The following DNAH9 variants were observed in gnomAD, a reference collection of about 807,000 sequenced individuals.
The protein encoded by DNAH9 is dynein axonemal heavy chain 9.
DNAH9 carries 345 observed loss-of-function variants against 471.6 expected under a neutral mutation model. The observed-to-expected ratio is 0.73, with a 90% CI of 0.67 to 0.80. DNAH9 has a LOEUF of 0.80. DNAH9 is among the 30% of genes least tolerant of loss of function. The probability of loss-of-function intolerance (pLI) is 0.00; values close to 1 mark genes in which losing one functional copy is unlikely to be tolerated. For missense variants in DNAH9, 5,407 were observed against 5,609.2 expected, an observed-to-expected ratio of 0.96 and a Z score of 1.15; for synonymous variants, 2,093 against 2,123.6, an observed-to-expected ratio of 0.99 and a Z score of 0.40.
intron 45 of DNAH9, among the ~76,000 whole-genome samples, chr17:11,811,978 A>G (rs2150929387): frequency 1.0e-5 from 1 of 99,300 alleles, no homozygotes; most frequent in East Asian, 3.3e-4. Flanking sequence ...TGACTGAGTG[A>G]GACTCTGTCT....
chr17:11,619,897 C>T, intron 6 of DNAH9, 116 bp downstream of exon 6: 1 of 653,500 alleles, frequency 1.5e-6, no homozygotes, highest in Non-Finnish European at 2.7e-6. Flanking sequence ...CCTCCATCAG[C>T]TGGAATAATC....
intron 61 of DNAH9, among the ~76,000 whole-genome samples, chr17:11,916,249 C>A (rs1973953467): frequency 1.3e-5 from 2 of 152,184 alleles, no homozygotes; most frequent in Non-Finnish European, 2.9e-5. Context: ...AGCTTCCTGT[C>A]ATCTCAGGCA....
chr17:11,956,537 A>G (rs369391804), intron 67 of DNAH9, among the ~76,000 whole-genome samples: 25 of 152,172 alleles, frequency 1.6e-4, no homozygotes, highest in African/African-American at 6.0e-4. Flanking sequence ...ATACTTTTCA[A>G]GAGTACACAG....
chr17:11,729,253 G>A (rs886105616), intron 28 of DNAH9, among the ~76,000 whole-genome samples: 4 of 152,058 alleles, frequency 2.6e-5, no homozygotes, highest in African/African-American at 9.7e-5. Flanking sequence ...AAAGCACATC[G>A]TTTGCCAGCT....
chr17:11,925,205 C>T, intron 62 of DNAH9: 1 of 455,772 alleles, frequency 2.2e-6, no homozygotes, highest in South Asian at 1.6e-5. Flanking sequence ...AGCCCACTGC[C>T]TTGAACATAG....
intron 49 of DNAH9, among the ~76,000 whole-genome samples, chr17:11,841,876 G>A (rs770102762): frequency 7.9e-5 from 12 of 152,024 alleles, no homozygotes; most frequent in Non-Finnish European, 1.6e-4. Flanking sequence ...TTTCACATGG[G>A]CATCTTTTCA....
At chr17:11,843,212 A>T (rs1971089877) in intron 49 of DNAH9, among the ~76,000 whole-genome samples, 1 of 152,210 alleles carries the variant, frequency 6.6e-6, no homozygotes, top group Non-Finnish European at 1.5e-5. Context: ...TAAAATACTT[A>T]ATCACCTAAA....
intron 6 of DNAH9, among the ~76,000 whole-genome samples, chr17:11,620,511 C>CAAAAAA (rs11440277): frequency 8.4e-6 from 1 of 119,202 alleles, no homozygotes. Flanking sequence ...GACTCTGTCT[C>CAAAAAA]AAAAAAAAAA....
In DNAH9 at chr17:11,851,755, G is replaced by A. The variant is rs115502466; in HGVS notation, c.9508-2248G>A. 6.2e-3 allele frequency among the ~76,000 whole-genome samples: 947 copies of A among 152,126 alleles called. 6 individuals are homozygous for A. The highest frequency in any genetic ancestry group is 0.02 in the African/African-American group (841 of 41,484). On this transcript the variant is annotated intron_variant, in intron 49 of 68. Transcript: ENST00000262442. ...CCATGCCTGCCCTTGCCAGATATTC[G>A]AGTGAGAAAATCTCCCTGTGTACTT...
At chr17:11,696,840 A>T (rs1410979853) in intron 22 of DNAH9, among the ~76,000 whole-genome samples, 5 of 152,136 alleles carry the variant, frequency 3.3e-5, no homozygotes, top group African/African-American at 1.2e-4. Flanking sequence ...GATCACTGCC[A>T]GATTTTTTTA....
chr17:11,961,146 C>T (rs1259674532), intron 67 of DNAH9, among the ~76,000 whole-genome samples: 1 of 152,052 alleles, frequency 6.6e-6, no homozygotes, highest in African/African-American at 2.4e-5. Flanking sequence ...GAAACCCTGT[C>T]TCTACTGAAA....
intron 24 of DNAH9, 105 bp downstream of exon 24, chr17:11,701,352 C>A: frequency 1.5e-6 from 2 of 1,295,332 alleles, no homozygotes; most frequent in Non-Finnish European, 2.2e-6. Context: ...CTGCATGCTT[C>A]ACAGCCAGGG....
intron 50 of DNAH9, among the ~76,000 whole-genome samples, chr17:11,857,774 AGT>A (rs1971679285): frequency 6.6e-6 from 1 of 152,154 alleles, no homozygotes; most frequent in African/African-American, 2.4e-5. Flanking sequence ...TCTTTATGAC[AGT>A]GAGTGAGTTC....
At chr17:11,629,613 C>T (rs1406561136) in intron 7 of DNAH9, 29 bp downstream of exon 7, 12 of 1,602,474 alleles carry the variant, frequency 7.5e-6, no homozygotes, top group Non-Finnish European at 1.0e-5. Flanking sequence ...GAATCGCCAG[C>T]TCTGCCTCTG....
chr17:11,868,106 C>T (rs1322729235), intron 50 of DNAH9, among the ~76,000 whole-genome samples: 1 of 152,192 alleles, frequency 6.6e-6, no homozygotes, highest in East Asian at 1.9e-4. Context: ...GACTCCCTCA[C>T]CCTCCAAATG....
Position 11,891,893 on chromosome 17 carries a change from C to A in DNAH9, c.11229C>A (p.Ile3743=). 1.2e-6 allele frequency: 2 copies of A among 1,614,142 alleles called. No individual in the cohort carries two copies. Among genetic ancestry groups the A allele is most frequent in the Non-Finnish European group, 1.7e-6 (2 of 1,180,010 alleles). The change falls in exon 58 of 69, where the codon ATC becomes ATA. Residue 3743 remains isoleucine, a synonymous_variant. Coordinates refer to ENST00000262442, the MANE Select transcript of DNAH9 (RefSeq NM_001372.4). ...CCTTCTCTGTGTACCAGTACACCATCCGCGGGCTCTTTGAGTGTGATAAGC... is the reference window on the plus strand; with the variant it reads ...CCTTCTCTGTGTACCAGTACACCATACGCGGGCTCTTTGAGTGTGATAAGC... ...SITFSVYQYT[I]RGLFECDKLT...
At chr17:11,817,465 G>T (rs1316403897) in intron 45 of DNAH9, among the ~76,000 whole-genome samples, 3 of 152,098 alleles carry the variant, frequency 2.0e-5, no homozygotes, top group Admixed American at 6.6e-5. Context: ...TTTCTATAAA[G>T]TGTCAGGAAG....
intron 17 of DNAH9, among the ~76,000 whole-genome samples, chr17:11,671,419 A>G (rs182307292): frequency 2.6e-4 from 40 of 152,328 alleles, no homozygotes; most frequent in Admixed American, 1.2e-3. Flanking sequence ...GGGGGCAGAG[A>G]ATACAGGCAG....
At chr17:11,873,014 G>A (rs1043077955) in intron 52 of DNAH9, among the ~76,000 whole-genome samples, 1 of 152,204 alleles carries the variant, frequency 6.6e-6, no homozygotes, top group Admixed American at 6.5e-5. Context: ...CTATTTGTAA[G>A]TAGAACCTTA....
Sources: gnomAD v4.1 joint callset for allele counts (sites outside exome capture counted in the v4.1 genomes callset) on GRCh38, gnomAD v4.1.1 for gene constraint, MANE v1.5 for transcripts, NCBI Gene and HGNC (gene_info 2026-07-23, HGNC 2026-07-21) for gene names.